Variants in SGCG observed in about 807,000 individuals in gnomAD.
SGCG encodes the protein sarcoglycan gamma, also known as gamma-sarcoglycan.
SGCG carries 26 observed loss-of-function variants against 29.3 expected under a neutral mutation model. That is an observed-to-expected ratio of 0.89 (90% CI 0.65 to 1.23). The LOEUF (loss-of-function observed/expected upper bound fraction) is 1.23, where lower values mean the gene tolerates loss of function less well. Among genes scored for constraint, SGCG ranks in the 50% most tolerant of loss-of-function variants. The pLI is 0.00. For missense variants in SGCG, 353 were observed against 356.0 expected, an observed-to-expected ratio of 0.99 and a Z score of 0.07; for synonymous variants, 145 against 129.7, an observed-to-expected ratio of 1.12 and a Z score of -0.80.
At chr13:23,236,403 C>T (rs1879312588) in intron 3 of SGCG, among the ~76,000 whole-genome samples, 1 of 152,076 alleles carries the variant, frequency 6.6e-6, no homozygotes, top group African/African-American at 2.4e-5. Flanking sequence ...GTTGGCCAGG[C>T]GTGGTGGCTC....
intron 6 of SGCG, among the ~76,000 whole-genome samples, chr13:23,314,655 G>T (rs1362844653): frequency 6.6e-6 from 1 of 151,914 alleles, no homozygotes; most frequent in African/African-American, 2.4e-5. Flanking sequence ...TGAGCAAGAA[G>T]TGGCAAACAC....
chr13:23,175,817 A>AG, the SGCG span, among the ~76,000 whole-genome samples: 12 of 152,152 alleles, frequency 7.9e-5, no homozygotes, highest in African/African-American at 2.4e-4. Context: ...AACAATTTAC[A>AG]GGGAATATTA....
Position 23,279,594 on chromosome 13 carries a change from T to C in SGCG, c.505+116T>C, listed in dbSNP as rs1881223971. ...TCAAGCAGATAAGAGAGTTTGAATG[T>C]GTTGCATTTTCTCCATTGCATTTCT... is the stretch of plus-strand genomic sequence containing the variant. On this transcript the variant is annotated intron_variant, in intron 5 of 7. Transcript: ENST00000218867. The C allele has an allele frequency of 8.7e-6, 9 of 1,039,708 alleles. No individual in the cohort carries two copies. The South Asian group carries it at 1.2e-4, about 14-fold the overall frequency. 64.4% of individuals were successfully genotyped at this position (1,039,708 alleles called of 1,614,324 possible).
intron 7 of SGCG, among the ~76,000 whole-genome samples, chr13:23,322,790 G>GCCCCCAC (rs1883101133): frequency 3.4e-5 from 1 of 29,616 alleles, no homozygotes; most frequent in Non-Finnish European, 6.2e-5. Context: ...CCCCCCCCCC[G>GCCCCCAC]CCAACAGGTG....
intron 1 of SGCG, among the ~76,000 whole-genome samples, chr13:23,195,924 A>G (rs1877486628): frequency 6.6e-6 from 1 of 152,056 alleles, no homozygotes; most frequent in Non-Finnish European, 1.5e-5. Context: ...ATATATATCA[A>G]TTCTATAAAT....
intron 5 of SGCG, among the ~76,000 whole-genome samples, chr13:23,282,025 T>C (rs9507065): frequency 0.44 from 67,135 of 152,116 alleles, 15,490 homozygotes; most frequent in Middle Eastern, 0.65. Flanking sequence ...GAGGTGCAGC[T>C]AACTAGAGCA....
At chr13:23,191,569 G>A (rs1437123913) in intron 1 of SGCG, among the ~76,000 whole-genome samples, 1 of 131,036 alleles carries the variant, frequency 7.6e-6, no homozygotes, top group Non-Finnish European at 1.8e-5. Context: ...GTGAGGAGAA[G>A]CCCGCCATTT....
In SGCG at chr13:23,257,484, C is replaced by T. The variant is rs183502987; in HGVS notation, c.385+6767C>T. ...TGAGTAGACTGCAAAAATTTTCTCC[C>T]ATTCTGTAGGTTGCCTGTTCACTCT... On this transcript the variant is annotated intron_variant, in intron 4 of 7. Coordinates refer to ENST00000218867, the MANE Select transcript of SGCG (RefSeq NM_000231.3). Among the ~76,000 whole-genome samples the T allele has an allele frequency of 1.6e-4, 25 of 152,190 alleles. No homozygotes were observed. The East Asian group carries it at 2.9e-3, about 18-fold the overall frequency.
At chr13:23,167,415 A>G in the SGCG span, among the ~76,000 whole-genome samples, 1 of 152,216 alleles carries the variant, frequency 6.6e-6, no homozygotes, top group Non-Finnish European at 1.5e-5. Flanking sequence ...TCTTAGGGGT[A>G]TATACCCAGC....
At chr13:23,306,481 G>A (rs1262344410) in intron 6 of SGCG, among the ~76,000 whole-genome samples, 1 of 152,170 alleles carries the variant, frequency 6.6e-6, no homozygotes, top group African/African-American at 2.4e-5. Context: ...TATTTGTGTA[G>A]TGGTCTGAAA....
At chr13:23,188,526 T>A (rs1340671817) in intron 1 of SGCG, among the ~76,000 whole-genome samples, 11 of 142,346 alleles carry the variant, frequency 7.7e-5, no homozygotes, top group Admixed American at 1.5e-4. Context: ...ACCATGTTGG[T>A]CAGGCTGGTC....
intron 4 of SGCG, among the ~76,000 whole-genome samples, chr13:23,278,762 C>G (rs1457518307): frequency 2.0e-5 from 3 of 152,114 alleles, no homozygotes; most frequent in South Asian, 2.1e-4. Flanking sequence ...AAGGGCATAA[C>G]CTTGGATACA....
intron 6 of SGCG, among the ~76,000 whole-genome samples, chr13:23,302,826 A>G (rs1046564008): frequency 9.2e-5 from 14 of 152,180 alleles, no homozygotes; most frequent in Admixed American, 6.5e-4. Context: ...TCAGGCATCA[A>G]TATCTTTCCT....
At chr13:23,217,180 AAC>A (rs2137521400) in intron 2 of SGCG, among the ~76,000 whole-genome samples, 1 of 152,164 alleles carries the variant, frequency 6.6e-6, no homozygotes, top group East Asian at 1.9e-4. Flanking sequence ...TAGTTTCCTG[AAC>A]ACAGTTTATT....
At chr13:23,197,934 T>C (rs946996335) in intron 1 of SGCG, among the ~76,000 whole-genome samples, 3 of 146,832 alleles carry the variant, frequency 2.0e-5, no homozygotes, top group African/African-American at 8.2e-5. Context: ...GTAAAGAAAC[T>C]TTTAAAAGTC....
At chr13:23,268,489 A>C (rs576153265) in intron 4 of SGCG, 20 of 152,926 alleles carry the variant, frequency 1.3e-4, no homozygotes, top group African/African-American at 4.8e-4. Flanking sequence ...AAGAAGCAAG[A>C]GTGCAAGAAT....
intron 4 of SGCG, among the ~76,000 whole-genome samples, chr13:23,262,952 A>G (rs1566021873): frequency 6.6e-6 from 1 of 151,904 alleles, no homozygotes; most frequent in Non-Finnish European, 1.5e-5. Flanking sequence ...AAATGTTTCA[A>G]AGTGAATAAG....
At chr13:23,277,920 G>T (rs1041932359) in intron 4 of SGCG, among the ~76,000 whole-genome samples, 4 of 151,800 alleles carry the variant, frequency 2.6e-5, no homozygotes. Flanking sequence ...GGATGGTCTC[G>T]ATCTCCTGAC....
At chr13:23,236,420 G>A (rs559925676) in intron 3 of SGCG, among the ~76,000 whole-genome samples, 2 of 152,292 alleles carry the variant, frequency 1.3e-5, no homozygotes, top group South Asian at 2.1e-4. Flanking sequence ...GCTCACGCCT[G>A]TAATCCCAGC....
Sources: gnomAD v4.1 joint callset for allele counts (sites outside exome capture counted in the v4.1 genomes callset) on GRCh38, gnomAD v4.1.1 for gene constraint, MANE v1.5 for transcripts, NCBI Gene and HGNC (gene_info 2026-07-23, HGNC 2026-07-21) for gene names.